The following BABAM2 variants were observed in gnomAD, a reference collection of about 807,000 sequenced individuals.
BABAM2 encodes BRISC and BRCA1 A complex member 2.
BABAM2 carries 31 observed loss-of-function variants against 54.7 expected under a neutral mutation model. The ratio of observed to expected loss-of-function variants is 0.57; its 90% CI spans 0.43 to 0.77. The LOEUF is 0.77. Among genes scored for constraint, BABAM2 ranks in the 30% least tolerant of loss-of-function variants. BABAM2 has a pLI of 0.00. For synonymous variants in BABAM2, 167 were observed against 162.9 expected, an observed-to-expected ratio of 1.03 and a Z score of -0.19; for missense variants, 364 against 455.8, an observed-to-expected ratio of 0.80 and a Z score of 1.83.
Position 28,304,308 on chromosome 2 carries a change from G to A in BABAM2, c.1088+5817G>A, listed in dbSNP as rs545573051. On this transcript the variant is annotated intron_variant, in intron 11 of 11. Coordinates refer to ENST00000379624, the MANE Select transcript of BABAM2 (RefSeq NM_199191.3). This position sits in a 1 kb window ranked among gnomAD's most constrained non-coding sequence, Gnocchi z 4.0. ...TGACTTCAGGTGATCCACCCGCCTC[G>A]GCCTCCCAAAGTGCTGGCATTACAG... 4.3e-3 allele frequency among the ~76,000 whole-genome samples: 647 copies of A among 151,526 alleles called. 8 individuals carry two copies. Among genetic ancestry groups the A allele is most frequent in the African/African-American group, 0.015 (616 of 41,364 alleles).
At chr2:28,161,296 G>C (rs1422152406) in intron 7 of BABAM2, among the ~76,000 whole-genome samples, 6 of 152,180 alleles carry the variant, frequency 3.9e-5, no homozygotes, top group Admixed American at 3.3e-4. Context: ...TGTCTCCTAG[G>C]GTTCCTGGGG....
intron 4 of BABAM2, among the ~76,000 whole-genome samples, chr2:28,007,221 TAAAG>T (rs1327881773): frequency 6.6e-6 from 1 of 152,004 alleles, no homozygotes; most frequent in African/African-American, 2.4e-5. Context: ...GAGAATCACA[TAAAG>T]AGACAGGAAC....
At chr2:28,117,065 T>A (rs1273718583) in intron 6 of BABAM2, among the ~76,000 whole-genome samples, 1 of 152,214 alleles carries the variant, frequency 6.6e-6, no homozygotes, top group Non-Finnish European at 1.5e-5. Flanking sequence ...CAAGGTGTTC[T>A]AAGGCCCAGG....
At chr2:28,006,312 C>A (rs1001972892) in intron 4 of BABAM2, among the ~76,000 whole-genome samples, 1 of 151,846 alleles carries the variant, frequency 6.6e-6, no homozygotes, top group African/African-American at 2.4e-5. Flanking sequence ...CAAAAGTAAC[C>A]CTGGTTTCCC....
At chr2:28,174,808 C>T (rs1348477862) in intron 7 of BABAM2, among the ~76,000 whole-genome samples, 3 of 152,100 alleles carry the variant, frequency 2.0e-5, no homozygotes, top group African/African-American at 7.2e-5. Context: ...CAGCCCTCAC[C>T]AGACAGCATC....
In BABAM2 at chr2:27,899,476, G is replaced by GT. The variant is rs10710226; in HGVS notation, c.128+4806dup. On this transcript the variant is annotated intron_variant, in intron 2 of 11. Transcript: ENST00000379624. ...TTGAAATGAATCCACTAGTCCTAGT[G>GT]TTTTTTTTTTTTTTCGTGACAGAGT... 4.0e-3 allele frequency among the ~76,000 whole-genome samples: 583 copies of GT among 144,406 alleles called. 2 individuals are homozygous for GT. The highest frequency in any genetic ancestry group is 0.012 in the African/African-American group (474 of 39,380). The allele number at this position is 144,406 out of a possible 152,430, so 94.7% of individuals were successfully genotyped here. A position where few individuals can be genotyped will look rare whatever the true frequency, so the allele number is the denominator to read the frequency against.
At chr2:28,154,525 G>A (rs1007952785) in intron 7 of BABAM2, among the ~76,000 whole-genome samples, 1 of 152,186 alleles carries the variant, frequency 6.6e-6, no homozygotes, top group Non-Finnish European at 1.5e-5. Context: ...CCTTTAATAA[G>A]TAGAGGTGTT....
intron 10 of BABAM2, among the ~76,000 whole-genome samples, chr2:28,253,345 T>C (rs1683669848): frequency 6.6e-6 from 1 of 150,428 alleles, no homozygotes; most frequent in African/African-American, 2.5e-5. Context: ...GAGGTTGCAG[T>C]GAGCCAAGAT....
At chr2:28,049,141 G>A (rs892560691) in intron 6 of BABAM2, among the ~76,000 whole-genome samples, 26 of 152,194 alleles carry the variant, frequency 1.7e-4, no homozygotes, top group African/African-American at 6.0e-4. Flanking sequence ...AATATGATGT[G>A]TGTTTGAATT....
chr2:28,026,203 A>G (rs368681197), intron 5 of BABAM2, among the ~76,000 whole-genome samples: 1 of 152,272 alleles, frequency 6.6e-6, no homozygotes, highest in South Asian at 2.1e-4. Flanking sequence ...AACCAGAAAT[A>G]CCATTTGACT....
intron 4 of BABAM2, among the ~76,000 whole-genome samples, chr2:27,999,517 G>C (rs1219244807): frequency 6.6e-6 from 1 of 152,276 alleles, no homozygotes; most frequent in South Asian, 2.1e-4. Flanking sequence ...ATTGTAAGGG[G>C]TTTAGAATAC....
intron 7 of BABAM2, among the ~76,000 whole-genome samples, chr2:28,182,110 A>C (rs1455195052): frequency 6.6e-6 from 1 of 152,164 alleles, no homozygotes; most frequent in East Asian, 1.9e-4. Context: ...AGGTAGCAGT[A>C]GTGCTGATCA....
At chr2:27,994,008 A>G (rs115393337) in intron 4 of BABAM2, among the ~76,000 whole-genome samples, 2,088 of 152,320 alleles carry the variant, frequency 0.014, 55 homozygotes, top group African/African-American at 0.047. Flanking sequence ...CGATGCCTAG[A>G]CACTTTTAAG....
rs1232983297 is a variant in BABAM2, at chr2:27,914,964, CT to C, written c.129-14867del. Among the ~76,000 whole-genome samples, 4 of 152,210 alleles carry C rather than the reference CT, an allele frequency of 2.6e-5. No homozygotes were observed. The East Asian group carries it at 7.7e-4, about 29-fold the overall frequency. ...TTTCTCTGATGGCTCTGTCTAGTCT[CT>C]GCTTGCTCTGCAGCCAATTTACATG... On this transcript the variant is annotated intron_variant, in intron 2 of 11. Transcript: ENST00000379624.
At chr2:27,931,699 GT>G (rs770039136) in intron 3 of BABAM2, among the ~76,000 whole-genome samples, 3 of 151,948 alleles carry the variant, frequency 2.0e-5, no homozygotes, top group Non-Finnish European at 4.4e-5. Flanking sequence ...CTGGTACCTG[GT>G]ACACAGTTAG....
chr2:28,183,691 C>T (rs942271258), intron 7 of BABAM2, among the ~76,000 whole-genome samples: 1 of 150,566 alleles, frequency 6.6e-6, no homozygotes, highest in Admixed American at 6.6e-5. Context: ...TTTGCAGACA[C>T]ACTGTCAAAC....
intron 7 of BABAM2, among the ~76,000 whole-genome samples, chr2:28,175,771 C>T (rs771444722): frequency 3.9e-5 from 6 of 152,230 alleles, no homozygotes; most frequent in Non-Finnish European, 7.3e-5. Context: ...CACGTGGAAA[C>T]CCAAGAATTG....
At chr2:27,894,984 G>C (rs1368389433) in intron 2 of BABAM2, 8 of 301,352 alleles carry the variant, frequency 2.7e-5, no homozygotes, top group Non-Finnish European at 4.9e-5. Context: ...TCATTGGCTT[G>C]TTTTCTTATT....
At chr2:27,946,723 G>C (rs947319251) in intron 3 of BABAM2, among the ~76,000 whole-genome samples, 41 of 152,210 alleles carry the variant, frequency 2.7e-4, no homozygotes, top group African/African-American at 9.6e-4. Flanking sequence ...GAGAGCAAGA[G>C]AGAGAGTGAG....
Sources: gnomAD v4.1 joint callset for allele counts (sites outside exome capture counted in the v4.1 genomes callset) on GRCh38, gnomAD v4.1.1 for gene constraint, Gnocchi (gnomAD v3.1) non-coding constraint, MANE v1.5 for transcripts, NCBI Gene and HGNC (gene_info 2026-07-23, HGNC 2026-07-21) for gene names.